The following NRXN1 variants were observed in gnomAD, a reference collection of about 807,000 sequenced individuals.
NRXN1 encodes neurexin-1.
In NRXN1, 39 loss-of-function variants were observed where a neutral mutation model predicts 150.9. That is an observed-to-expected ratio of 0.26 (90% CI 0.20 to 0.34). The LOEUF is 0.34. NRXN1 is among the 10% of genes least tolerant of loss of function. The pLI, the probability that NRXN1 is intolerant of heterozygous loss-of-function variation, is 1.00. For missense variants in NRXN1, 1,815 were observed against 1,949.9 expected, an observed-to-expected ratio of 0.93 and a Z score of 1.30; for synonymous variants, 924 against 757.0, an observed-to-expected ratio of 1.22 and a Z score of -3.62.
At chr2:50,998,752 A>AGTATTTTAT (rs1195108545) in intron 2 of NRXN1, among the ~76,000 whole-genome samples, 2 of 152,054 alleles carry the variant, frequency 1.3e-5, no homozygotes, top group Non-Finnish European at 2.9e-5. Flanking sequence ...GATATTTCAA[A>AGTATTTTAT]GTATTTTATA....
At chr2:50,973,741 G>A (rs937975779) in intron 2 of NRXN1, among the ~76,000 whole-genome samples, 32 of 152,200 alleles carry the variant, frequency 2.1e-4, no homozygotes, top group African/African-American at 7.5e-4. Flanking sequence ...CTAGTAGGTA[G>A]AAAATTTGTG....
At chr2:50,088,267 A>G (rs1343375455) in intron 19 of NRXN1, among the ~76,000 whole-genome samples, 2 of 152,206 alleles carry the variant, frequency 1.3e-5, no homozygotes, top group Non-Finnish European at 2.9e-5. Context: ...ATGAAGTTCC[A>G]AGAGAAAAAG....
intron 17 of NRXN1, among the ~76,000 whole-genome samples, chr2:50,417,615 C>G (rs2083641267): frequency 6.6e-6 from 1 of 151,718 alleles, no homozygotes; most frequent in Non-Finnish European, 1.5e-5. Context: ...GATGGCTTTA[C>G]AAATAACCTA....
At chr2:50,992,558 G>T (rs1041893181) in intron 2 of NRXN1, among the ~76,000 whole-genome samples, 2 of 151,936 alleles carry the variant, frequency 1.3e-5, no homozygotes, top group Non-Finnish European at 2.9e-5. Context: ...TACCTATTAT[G>T]ACAATAAGCT....
chr2:50,477,255 A>G (rs1162771437), intron 15 of NRXN1, among the ~76,000 whole-genome samples: 1 of 152,228 alleles, frequency 6.6e-6, no homozygotes, highest in Non-Finnish European at 1.5e-5. Context: ...CTGGCTGAAA[A>G]AAATAAATAA....
intron 5 of NRXN1, among the ~76,000 whole-genome samples, chr2:50,626,526 A>T (rs987400925): frequency 2.0e-5 from 3 of 152,016 alleles, no homozygotes; most frequent in Admixed American, 1.3e-4. Flanking sequence ...TGTGCAAAAG[A>T]TAGATTAGTC....
chr2:50,019,049 T>C (rs965413873), intron 21 of NRXN1, among the ~76,000 whole-genome samples: 2 of 152,124 alleles, frequency 1.3e-5, no homozygotes, highest in African/African-American at 4.8e-5. Context: ...AACAAGCAGA[T>C]TGAATTTCAA....
chr2:51,015,148 A>C (rs758496836), intron 2 of NRXN1, among the ~76,000 whole-genome samples: 1 of 151,858 alleles, frequency 6.6e-6, no homozygotes, highest in African/African-American at 2.4e-5. Context: ...TCATTGTTTC[A>C]AATTCTGTTA....
At chr2:50,843,164 T>C (rs1372224896) in intron 5 of NRXN1, among the ~76,000 whole-genome samples, 1 of 152,122 alleles carries the variant, frequency 6.6e-6, no homozygotes, top group Non-Finnish European at 1.5e-5. Context: ...CAAGAAACCT[T>C]AGTTCATTCA....
At chr2:50,159,716 G>A (rs1021833928) in intron 18 of NRXN1, among the ~76,000 whole-genome samples, 2 of 152,124 alleles carry the variant, frequency 1.3e-5, no homozygotes, top group Non-Finnish European at 2.9e-5. Context: ...AAAGGGCTGT[G>A]AAAGGAGAGA....
At chr2:50,517,492 A>C (rs1243990398) in intron 12 of NRXN1, among the ~76,000 whole-genome samples, 1 of 152,134 alleles carries the variant, frequency 6.6e-6, no homozygotes, top group Non-Finnish European at 1.5e-5. Context: ...TCCATCTTTT[A>C]ATGCCTCCAT....
chr2:50,470,215 T>G (rs1454142704), intron 16 of NRXN1, among the ~76,000 whole-genome samples: 1 of 151,790 alleles, frequency 6.6e-6, no homozygotes, highest in African/African-American at 2.4e-5. Context: ...ACATTCTCAC[T>G]AATGAGATCA....
chr2:50,957,636 G>C (rs1311929928), intron 2 of NRXN1, among the ~76,000 whole-genome samples: 2 of 152,146 alleles, frequency 1.3e-5, no homozygotes, highest in African/African-American at 4.8e-5. Context: ...TATGAAATTT[G>C]TGAAGTAATT....
intron 21 of NRXN1, among the ~76,000 whole-genome samples, chr2:49,971,075 G>T (rs72834718): frequency 6.6e-6 from 1 of 152,102 alleles, no homozygotes. Context: ...AATGGGCAGA[G>T]TATAAGTTCT....
At chr2:49,961,716 G>C (rs1429706487) in intron 21 of NRXN1, among the ~76,000 whole-genome samples, 7 of 151,902 alleles carry the variant, frequency 4.6e-5, no homozygotes, top group Non-Finnish European at 1.0e-4. Flanking sequence ...CAGTAGAAAA[G>C]TCCAACACTC....
intron 21 of NRXN1, among the ~76,000 whole-genome samples, chr2:50,046,684 A>C (rs1691856391): frequency 1.3e-5 from 2 of 152,198 alleles, no homozygotes; most frequent in Non-Finnish European, 2.9e-5. Flanking sequence ...ACTGAGGTCT[A>C]AGTAACTCAC....
At chr2:49,964,463 C>T (rs1249480090) in intron 21 of NRXN1, among the ~76,000 whole-genome samples, 1 of 151,882 alleles carries the variant, frequency 6.6e-6, no homozygotes, top group African/African-American at 2.4e-5. Context: ...ACCTGTAATG[C>T]CAGCTACTCG....
At chr2:50,841,452 CA>C (rs1672860693) in intron 5 of NRXN1, among the ~76,000 whole-genome samples, 1 of 152,152 alleles carries the variant, frequency 6.6e-6, no homozygotes, top group Non-Finnish European at 1.5e-5. Flanking sequence ...GGAATCCAGA[CA>C]AGCAAAGGCC....
At chr2:50,597,401 G>T (rs1675422022) in intron 8 of NRXN1, among the ~76,000 whole-genome samples, 1 of 152,140 alleles carries the variant, frequency 6.6e-6, no homozygotes, top group African/African-American at 2.4e-5. Context: ...CCCCTCTCAA[G>T]CTGTTTCCTC....
Sources: gnomAD v4.1 joint callset for allele counts (sites outside exome capture counted in the v4.1 genomes callset) on GRCh38, gnomAD v4.1.1 for gene constraint, MANE v1.5 for transcripts, NCBI Gene and HGNC (gene_info 2026-07-23, HGNC 2026-07-21) for gene names.